INPP4B: variants seen among roughly 807,000 people sequenced by gnomAD.
INPP4B encodes inositol polyphosphate 4-phosphatase type II.
A neutral mutation model predicts 122.5 loss-of-function variants in INPP4B; 55 were observed. The observed-to-expected ratio is 0.45, with a 90% CI of 0.36 to 0.56. INPP4B has a LOEUF of 0.56. INPP4B is among the 20% of genes least tolerant of loss of function. The pLI, the probability that INPP4B is intolerant of heterozygous loss-of-function variation, is 0.00. For synonymous variants in INPP4B, 403 were observed against 388.7 expected, an observed-to-expected ratio of 1.04 and a Z score of -0.43; for missense variants, 1,000 against 1,097.7, an observed-to-expected ratio of 0.91 and a Z score of 1.26.
intron 7 of INPP4B, among the ~76,000 whole-genome samples, chr4:142,367,372 A>G (rs1157604177): frequency 6.6e-6 from 1 of 152,082 alleles, no homozygotes; most frequent in East Asian, 1.9e-4. Flanking sequence ...GCTTTCACAC[A>G]CAGTTACTAA....
intron 9 of INPP4B, among the ~76,000 whole-genome samples, chr4:142,274,750 T>G (rs1371731171): frequency 6.6e-6 from 1 of 151,820 alleles, no homozygotes; most frequent in East Asian, 1.9e-4. Flanking sequence ...AAGATGGGGC[T>G]GCAGTAATCA....
chr4:142,267,378 G>A (rs528840559), intron 10 of INPP4B, among the ~76,000 whole-genome samples: 12 of 151,998 alleles, frequency 7.9e-5, no homozygotes, highest in African/African-American at 2.9e-4. Flanking sequence ...ATTGACCGAT[G>A]GAACAGGGCA....
chr4:142,205,951 T>C (rs768355093), intron 14 of INPP4B, among the ~76,000 whole-genome samples: 17 of 152,254 alleles, frequency 1.1e-4, no homozygotes, highest in Non-Finnish European at 2.2e-4. Context: ...CTCCATTTTG[T>C]GCTGCTATAA....
At chr4:142,310,972 T>C (rs1342105807) in intron 8 of INPP4B, among the ~76,000 whole-genome samples, 4 of 152,112 alleles carry the variant, frequency 2.6e-5, no homozygotes, top group Non-Finnish European at 5.9e-5. Context: ...TTTGGGTGCA[T>C]CCACTAAATT....
intron 12 of INPP4B, among the ~76,000 whole-genome samples, chr4:142,230,256 C>T (rs189714577): frequency 4.6e-5 from 7 of 152,096 alleles, no homozygotes; most frequent in Non-Finnish European, 1.0e-4. Flanking sequence ...CTCAGATGTG[C>T]AGGAAAAATT....
intron 1 of INPP4B, among the ~76,000 whole-genome samples, chr4:142,809,700 T>G (rs1219891512): frequency 1.3e-5 from 2 of 152,140 alleles, no homozygotes; most frequent in Non-Finnish European, 2.9e-5. Flanking sequence ...TATTTAACAG[T>G]GGTGAATGTT....
rs182446933 is a variant in INPP4B at position 142,029,754 on chromosome 4, C to T, written c.2643-840G>A. 9.8e-5 allele frequency: 98 copies of T among 995,276 alleles called. No homozygotes were observed. The African/African-American group carries it at 1.6e-3, about 16-fold the overall frequency. 61.7% of individuals were successfully genotyped at this position (995,276 alleles called of 1,614,324 possible). ...TCTGCAACCTCCCACATCTCTAGAACTTGTCTCAGGGTTTCAGTGTTTGTG... is the reference window on the plus strand; with the variant it reads ...TCTGCAACCTCCCACATCTCTAGAATTTGTCTCAGGGTTTCAGTGTTTGTG... On this transcript the variant is annotated intron_variant, in intron 25 of 25. Coordinates refer to ENST00000262992, the MANE Select transcript of INPP4B (RefSeq NM_001101669.3).
At chr4:142,343,379 T>C (rs1253671899) in intron 7 of INPP4B, among the ~76,000 whole-genome samples, 1 of 152,030 alleles carries the variant, frequency 6.6e-6, no homozygotes, top group Admixed American at 6.6e-5. Flanking sequence ...AAGATATTGA[T>C]TCTCTAGAGA....
At chr4:142,147,183 G>C (rs1347826289) in intron 17 of INPP4B, among the ~76,000 whole-genome samples, 1 of 152,136 alleles carries the variant, frequency 6.6e-6, no homozygotes, top group Admixed American at 6.6e-5. Context: ...CAGGAACCTG[G>C]AGTACCACTT....
chr4:142,348,575 C>T (rs1279932006), intron 7 of INPP4B, among the ~76,000 whole-genome samples: 2 of 152,090 alleles, frequency 1.3e-5, no homozygotes, highest in East Asian at 3.9e-4. Flanking sequence ...TTCATCCACA[C>T]AATTGACAAG....
chr4:142,061,096 T>G, intron 25 of INPP4B, among the ~76,000 whole-genome samples: 1 of 152,028 alleles, frequency 6.6e-6, no homozygotes, highest in East Asian at 1.9e-4. Context: ...CTAAGGAAGG[T>G]GATGGTTGAT....
chr4:142,550,073 C>T (rs1330563637), intron 2 of INPP4B, among the ~76,000 whole-genome samples: 1 of 152,152 alleles, frequency 6.6e-6, no homozygotes, highest in Non-Finnish European at 1.5e-5. Context: ...ATGAATGAGG[C>T]TCCCAGGGGG....
intron 7 of INPP4B, among the ~76,000 whole-genome samples, chr4:142,377,266 CT>C (rs1294848566): frequency 6.6e-6 from 1 of 151,522 alleles, no homozygotes; most frequent in Non-Finnish European, 1.5e-5. Flanking sequence ...AAACATTTTG[CT>C]GATCTTTTTT....
chr4:142,616,192 G>A (rs1036952086), intron 2 of INPP4B, among the ~76,000 whole-genome samples: 1 of 152,108 alleles, frequency 6.6e-6, no homozygotes, highest in Admixed American at 6.6e-5. Flanking sequence ...CCCTCGGAAT[G>A]GATGAAATGT....
chr4:142,267,892 A>C (rs1743590403), intron 10 of INPP4B, among the ~76,000 whole-genome samples: 1 of 152,172 alleles, frequency 6.6e-6, no homozygotes, highest in Admixed American at 6.5e-5. Context: ...AAAGGACCTA[A>C]AAAACACTCG....
At chr4:142,235,621 T>TTCA (rs1856380027) in intron 12 of INPP4B, among the ~76,000 whole-genome samples, 1 of 152,092 alleles carries the variant, frequency 6.6e-6, no homozygotes, top group African/African-American at 2.4e-5. Flanking sequence ...GAGATGAAGT[T>TTCA]TCACTGTATT....
intron 15 of INPP4B, among the ~76,000 whole-genome samples, chr4:142,186,129 C>CA (rs1833102357): frequency 6.6e-6 from 1 of 152,068 alleles, no homozygotes; most frequent in South Asian, 2.1e-4. Flanking sequence ...ATAAGATTTA[C>CA]ATGCACTAAA....
At position 142,635,724 on chromosome 4, in the gene INPP4B, A is replaced by C. The variant is rs184584423; in HGVS notation, c.-191+90115T>G. On this transcript the variant is annotated intron_variant, in intron 2 of 25. Coordinates refer to ENST00000262992, the MANE Select transcript of INPP4B (RefSeq NM_001101669.3). ...TCTACTTGAGGGTGGAGGGTAGTAA[A>C]AAGGAGAGCAGTAGAAAAAATAACT... 2.3e-3 allele frequency among the ~76,000 whole-genome samples: 355 copies of C among 152,214 alleles called. 1 individual carries two copies. The highest frequency in any genetic ancestry group is 8.1e-3 in the African/African-American group (335 of 41,572).
chr4:142,290,195 C>CTTTTTTTTTTT (rs35260066), intron 9 of INPP4B, among the ~76,000 whole-genome samples: 6 of 77,482 alleles, frequency 7.7e-5, no homozygotes, highest in Admixed American at 2.9e-4. Context: ...TTCTTTCTTC[C>CTTTTTTTTTTT]TTTTTTTTTT....
Sources: gnomAD v4.1 joint callset for allele counts (sites outside exome capture counted in the v4.1 genomes callset) on GRCh38, gnomAD v4.1.1 for gene constraint, MANE v1.5 for transcripts, NCBI Gene and HGNC (gene_info 2026-07-23, HGNC 2026-07-21) for gene names.